The following ESF1 variants were observed in gnomAD, a reference collection of about 807,000 sequenced individuals.
ESF1 encodes the protein ESF1 homolog.
In ESF1, 58 loss-of-function variants were observed where a neutral mutation model predicts 92.0. That is an observed-to-expected ratio of 0.63 (90% CI 0.51 to 0.78). The LOEUF (loss-of-function observed/expected upper bound fraction) is 0.78. Among genes scored for constraint, ESF1 ranks in the 30% least tolerant of loss-of-function variants. The pLI, the probability that ESF1 is intolerant of heterozygous loss-of-function variation, is 0.00. For synonymous variants in ESF1, 321 were observed against 313.7 expected, an observed-to-expected ratio of 1.02 and a Z score of -0.24; for missense variants, 922 against 989.1, an observed-to-expected ratio of 0.93 and a Z score of 0.91.
intron 9 of ESF1, among the ~76,000 whole-genome samples, chr20:13,753,906 T>C (rs973650766): frequency 2.6e-5 from 4 of 152,218 alleles, no homozygotes; most frequent in African/African-American, 9.6e-5. Flanking sequence ...ATTCCAATAA[T>C]GGACCACTAG....
Position 13,717,516 on chromosome 20 carries a change from T to C in ESF1, c.2116-2A>G. On this transcript the variant is annotated splice_acceptor_variant, in intron 12 of 13. Transcript: ENST00000617257. LOFTEE classifies it high-confidence loss of function. ...CATCATAAGCAAAGCCATTTCAGCC[T>C]GTAGAGAGCAAAAAAAAGTTCAAAT... 6.2e-7 allele frequency: 1 copy of C among 1,612,902 alleles called. No individual in the cohort carries two copies.
chr20:13,725,251 A>C (rs1206637679), intron 11 of ESF1, among the ~76,000 whole-genome samples: 4 of 152,166 alleles, frequency 2.6e-5, no homozygotes, highest in Non-Finnish European at 5.9e-5. Context: ...TCTGCCACCA[A>C]ATATACAAAT....
intron 11 of ESF1, among the ~76,000 whole-genome samples, chr20:13,724,949 C>T (rs1300915964): frequency 6.6e-6 from 1 of 151,022 alleles, no homozygotes; most frequent in Admixed American, 6.6e-5. Flanking sequence ...TCTGCCTAGG[C>T]CTCCCATACC....
intron 4 of ESF1, among the ~76,000 whole-genome samples, chr20:13,774,277 A>AATGC (rs113918882): frequency 1.3e-5 from 2 of 151,690 alleles, no homozygotes; most frequent in African/African-American, 2.4e-5. Context: ...CAAATCCCAA[A>AATGC]TCCAAAATTC....
chr20:13,717,395 C>T lies in ESF1; in HGVS notation c.2235G>A (p.Lys745=). 6.2e-7 allele frequency: 1 copy of T among 1,614,120 alleles called. No individual in the cohort carries two copies. Among genetic ancestry groups the T allele is most frequent in the Non-Finnish European group, 8.5e-7 (1 of 1,179,998 alleles). Residue 745 remains lysine, a synonymous_variant, in exon 13 of 14, where the codon AAG becomes AAA. Transcript: ENST00000617257. ...CAAAGTCATCCTCTATTAATTCCTT[C>T]TTTTTCATGAGCTGCTTTTTCTTCT... The part of the protein sequence containing the change: ...SKKKKKQLMK[K]KELIEDDFEV...
chr20:13,721,785 A>G (rs903684567), intron 11 of ESF1, among the ~76,000 whole-genome samples: 19 of 152,220 alleles, frequency 1.2e-4, no homozygotes, highest in African/African-American at 4.3e-4. Context: ...TGCACTTCCA[A>G]GAAGAAATAT....
At chr20:13,770,149 T>C (rs971364626) in intron 6 of ESF1, 128 bp from the exon 7 acceptor site, 2 of 585,432 alleles carry the variant, frequency 3.4e-6, no homozygotes, top group East Asian at 2.9e-5. Flanking sequence ...TAAGAGACAA[T>C]GTTAGACATA....
chr20:13,749,115 G>C (rs1437990963), intron 9 of ESF1, among the ~76,000 whole-genome samples: 1 of 151,760 alleles, frequency 6.6e-6, no homozygotes, highest in Non-Finnish European at 1.5e-5. Flanking sequence ...GCCCAGGTTG[G>C]AGTGCAACGG....
chr20:13,775,723 A>T, intron 3 of ESF1, 150 bp downstream of exon 3: 1 of 888,722 alleles, frequency 1.1e-6, no homozygotes, highest in Non-Finnish European at 1.6e-6. Context: ...TCTAGTTCAT[A>T]TAATTATATT....
At chr20:13,733,681 T>G (rs755487100) in intron 10 of ESF1, 40 bp downstream of exon 10, 1 of 1,592,976 alleles carries the variant, frequency 6.3e-7, no homozygotes, top group East Asian at 2.2e-5. Flanking sequence ...GATATATGGT[T>G]GGTATTCAAC....
At chr20:13,720,972 A>C (rs2049864330) in intron 11 of ESF1, among the ~76,000 whole-genome samples, 1 of 152,144 alleles carries the variant, frequency 6.6e-6, no homozygotes, top group African/African-American at 2.4e-5. Flanking sequence ...AATACAAAAA[A>C]ATTAGCCAAG....
At chr20:13,739,600 G>A (rs1424268410) in intron 9 of ESF1, among the ~76,000 whole-genome samples, 2 of 151,122 alleles carry the variant, frequency 1.3e-5, no homozygotes, top group Non-Finnish European at 2.9e-5. Context: ...GAAGACTGAA[G>A]AACTACTTGT....
rs200442927 is a variant in ESF1, at chr20:13,760,921, G to A, written c.1667-1068C>T. The stretch of plus-strand genomic sequence containing the variant: ...GAGAATGGGCCATGATGACAATGGC[G>A]GTTTTGTGGAATAGAAAAGGGGGAA... On this transcript the variant is annotated intron_variant, in intron 8 of 13. Coordinates refer to ENST00000617257, the MANE Select transcript of ESF1 (RefSeq NM_001276380.2). Among the ~76,000 whole-genome samples, 6 of 152,368 alleles carry A rather than the reference G, an allele frequency of 3.9e-5. No homozygotes were observed. The East Asian group carries it at 1.2e-3, about 29-fold the overall frequency.
At chr20:13,773,346 G>A (rs1979775371) in intron 4 of ESF1, among the ~76,000 whole-genome samples, 1 of 152,060 alleles carries the variant, frequency 6.6e-6, no homozygotes, top group African/African-American at 2.4e-5. Context: ...TACACAATAG[G>A]TTTAATATGT....
chr20:13,752,750 T>C (rs761074795), intron 9 of ESF1, among the ~76,000 whole-genome samples: 71 of 152,044 alleles, frequency 4.7e-4, no homozygotes, highest in Non-Finnish European at 9.0e-4. Flanking sequence ...AACAGAGAAA[T>C]GGAGATAAAA....
At chr20:13,763,256 C>T (rs1339751478) in intron 8 of ESF1, among the ~76,000 whole-genome samples, 1 of 152,158 alleles carries the variant, frequency 6.6e-6, no homozygotes, top group Non-Finnish European at 1.5e-5. Flanking sequence ...ATCCTCATTT[C>T]ACAGCTATGG....
chr20:13,719,467 A>C (rs563765898), intron 11 of ESF1, among the ~76,000 whole-genome samples: 75 of 152,252 alleles, frequency 4.9e-4, no homozygotes, highest in African/African-American at 1.6e-3. Context: ...GAAAATAACC[A>C]AAAAATTCCT....
intron 11 of ESF1, among the ~76,000 whole-genome samples, chr20:13,719,736 C>T (rs887001891): frequency 6.6e-6 from 1 of 151,994 alleles, no homozygotes; most frequent in Non-Finnish European, 1.5e-5. Flanking sequence ...GAAATATTTT[C>T]TTAGCATAAG....
chr20:13,757,358 T>C (rs902202666), intron 9 of ESF1, among the ~76,000 whole-genome samples: 10 of 152,186 alleles, frequency 6.6e-5, no homozygotes, highest in African/African-American at 2.4e-4. Context: ...ATAACAGGTG[T>C]AAATACCACT....
Sources: gnomAD v4.1 joint callset for allele counts (sites outside exome capture counted in the v4.1 genomes callset) on GRCh38, gnomAD v4.1.1 for gene constraint, MANE v1.5 for transcripts, NCBI Gene and HGNC (gene_info 2026-07-23, HGNC 2026-07-21) for gene names.